OR3A2: variants seen among roughly 807,000 people sequenced by gnomAD.
The protein encoded by OR3A2 is olfactory receptor family 3 subfamily A member 2.
For synonymous variants in OR3A2, 126 were observed against 159.3 expected (o/e 0.79, Z 1.57); for missense variants, 318 against 392.8 (o/e 0.81, Z 1.61).
chr17:3,282,959 T>G (rs1259904328), intron 1 of OR3A2, among the ~76,000 whole-genome samples: 2 of 152,164 alleles, frequency 1.3e-5, no homozygotes, highest in Non-Finnish European at 2.9e-5. Context: ...AATCCTTCCT[T>G]GAAACTTCTC....
intron 2 of OR3A2, among the ~76,000 whole-genome samples, chr17:3,340,929 C>G (rs1462179444): frequency 6.6e-6 from 1 of 151,894 alleles, no homozygotes; most frequent in Non-Finnish European, 1.5e-5. Flanking sequence ...TCAGGACTTG[C>G]TTTATGAATC....
Position 3,343,846 on chromosome 17 carries a change from C to T in OR3A2, c.-178-7720G>A, listed in dbSNP as rs2049341067. Among the ~76,000 whole-genome samples, 2 of 152,142 alleles carry T rather than the reference C, an allele frequency of 1.3e-5. 1 individual carries two copies. The highest frequency in any genetic ancestry group is 4.2e-4 in the South Asian group (2 of 4,818). ...CACATGCTTTGGCAGAAGATAACTCCATCTCCCCCACCCCCTTTGCCTCAT... is the reference window on the plus strand; with the variant it reads ...CACATGCTTTGGCAGAAGATAACTCTATCTCCCCCACCCCCTTTGCCTCAT... On this transcript the variant is annotated intron_variant, in intron 2 of 4. Coordinates refer to the OR3A2 transcript ENST00000573491.
upstream of OR3A2, among the ~76,000 whole-genome samples, chr17:3,285,102 G>A (rs2048800320): frequency 6.6e-6 from 1 of 152,044 alleles, no homozygotes; most frequent in South Asian, 2.1e-4. Context: ...GGACTACTGG[G>A]AAGGTGCCTA....
At chr17:3,337,456 G>T (rs560235190) in intron 2 of OR3A2, among the ~76,000 whole-genome samples, 1 of 151,898 alleles carries the variant, frequency 6.6e-6, no homozygotes, top group Non-Finnish European at 1.5e-5. Flanking sequence ...CCCGGTGTGT[G>T]ATGTTCCCCG....
Position 3,311,152 on chromosome 17 carries a change from A to G in OR3A2, c.-85+24881T>C, listed in dbSNP as rs1318777650. ...AAGGACAAGGGCATTGGCATCCTCAACACTGTCATCAGCCCCATGCTGAAC... is the reference window on the plus strand; with the variant it reads ...AAGGACAAGGGCATTGGCATCCTCAGCACTGTCATCAGCCCCATGCTGAAC... On this transcript the variant is annotated intron_variant, in intron 3 of 4. Coordinates refer to the OR3A2 transcript ENST00000573491. This position sits in a 1 kb window ranked among gnomAD's most constrained non-coding sequence, Gnocchi z 4.6. 5.6e-6 allele frequency: 3 copies of G among 539,560 alleles called. No homozygotes were observed. The highest frequency in any genetic ancestry group is 4.2e-5 in the South Asian group (3 of 71,924). 33.4% of individuals were successfully genotyped at this position (539,560 alleles called of 1,614,324 possible).
chr17:3,318,057 C>G (rs538030752), intron 3 of OR3A2, among the ~76,000 whole-genome samples: 1 of 152,286 alleles, frequency 6.6e-6, no homozygotes, highest in South Asian at 2.1e-4. Context: ...CCCAGTTCAA[C>G]AGGGTCTCGG....
rs1265568192 is a variant in OR3A2, at chr17:3,327,002, C to T, written c.-85+9031G>A. 1.2e-4 allele frequency among the ~76,000 whole-genome samples: 10 copies of T among 82,474 alleles called. 3 individuals are homozygous for T. Among genetic ancestry groups the T allele is most frequent in the African/African-American group, 6.1e-4 (9 of 14,816 alleles). The allele number at this position is 82,474 out of a possible 152,430, so 54.1% of individuals were successfully genotyped here. On this transcript the variant is annotated intron_variant, in intron 3 of 4. Coordinates refer to the OR3A2 transcript ENST00000573491. ...AAGTCTTTGCTATTGTGAATAATGC[C>T]GCAATAAACATACGTGTGCATGTGT...
chr17:3,382,049 C>T (rs1220499181), intron 2 of OR3A2, among the ~76,000 whole-genome samples: 3 of 152,100 alleles, frequency 2.0e-5, no homozygotes, highest in East Asian at 1.9e-4. Context: ...GTGAGGTGTT[C>T]GTGTGGGCTG....
At chr17:3,374,103 CAAG>C in intron 2 of OR3A2, among the ~76,000 whole-genome samples, 1 of 152,122 alleles carries the variant, frequency 6.6e-6, no homozygotes. Flanking sequence ...TAATTTTGTT[CAAG>C]GAGGCTAAAA....
intron 2 of OR3A2, among the ~76,000 whole-genome samples, chr17:3,337,546 T>A (rs947023334): frequency 6.6e-6 from 1 of 152,166 alleles, no homozygotes; most frequent in Admixed American, 6.5e-5. Context: ...GTCCTTGCGA[T>A]AGTTTACTGA....
At chr17:3,331,081 A>C (rs1021121667) in intron 3 of OR3A2, among the ~76,000 whole-genome samples, 5 of 152,138 alleles carry the variant, frequency 3.3e-5, no homozygotes, top group African/African-American at 1.2e-4. Context: ...CCGAGAGATC[A>C]GCTGTTAGTC....
At chr17:3,338,187 G>A (rs562468220) in intron 2 of OR3A2, among the ~76,000 whole-genome samples, 2 of 152,250 alleles carry the variant, frequency 1.3e-5, no homozygotes, top group Non-Finnish European at 2.9e-5. Flanking sequence ...TGTCAGATGG[G>A]TAGATTGCAA....
At chr17:3,342,189 C>T (rs2049324596) in intron 2 of OR3A2, among the ~76,000 whole-genome samples, 1 of 152,078 alleles carries the variant, frequency 6.6e-6, no homozygotes, top group African/African-American at 2.4e-5. Context: ...AGGTTTTTAG[C>T]TTCCTTGCAA....
At chr17:3,336,173 T>A (rs2049273664) in intron 2 of OR3A2, 47 bp from the exon 2 acceptor site, 1 of 152,236 alleles carries the variant, frequency 6.6e-6, no homozygotes, top group African/African-American at 2.4e-5. Flanking sequence ...AGCCAAGCAT[T>A]CACTAGTCAT....
At chr17:3,371,821 G>A (rs3110078) in intron 2 of OR3A2, among the ~76,000 whole-genome samples, 48,932 of 120,250 alleles carry the variant, frequency 0.41, 11,607 homozygotes, top group Admixed American at 0.53. Context: ...GCCGGGCGGG[G>A]GGCTGACCTC....
chr17:3,331,810 GT>G, intron 3 of OR3A2, among the ~76,000 whole-genome samples: 1 of 151,928 alleles, frequency 6.6e-6, no homozygotes, highest in South Asian at 2.1e-4. Context: ...AGAGTTTCCA[GT>G]TTTTCTGTTC....
intron 3 of OR3A2, among the ~76,000 whole-genome samples, chr17:3,330,881 T>G (rs2049226261): frequency 6.6e-6 from 1 of 152,090 alleles, no homozygotes; most frequent in Non-Finnish European, 1.5e-5. Context: ...TAGCACTTCC[T>G]TCAGGAGCTC....
At chr17:3,295,377 T>C (rs2048911254) in intron 3 of OR3A2, among the ~76,000 whole-genome samples, 1 of 152,074 alleles carries the variant, frequency 6.6e-6, no homozygotes, top group African/African-American at 2.4e-5. Context: ...TCATTGTGCT[T>C]ATACCAGGGA....
intron 2 of OR3A2, among the ~76,000 whole-genome samples, chr17:3,341,123 A>G (rs899107688): frequency 6.6e-6 from 1 of 152,184 alleles, no homozygotes; most frequent in East Asian, 1.9e-4. Context: ...TGCTTGGTAG[A>G]TCTTCCTCCA....
Sources: gnomAD v4.1 joint callset for allele counts (sites outside exome capture counted in the v4.1 genomes callset) on GRCh38, gnomAD v4.1.1 for gene constraint, Gnocchi (gnomAD v3.1) non-coding constraint, MANE v1.5 for transcripts, NCBI Gene and HGNC (gene_info 2026-07-23, HGNC 2026-07-21) for gene names.